The following TIAM2 variants were observed in gnomAD, a reference collection of about 807,000 sequenced individuals.
The protein encoded by TIAM2 is rho guanine nucleotide exchange factor TIAM2.
A neutral mutation model predicts 152.9 loss-of-function variants in TIAM2; 80 were observed. The observed-to-expected ratio is 0.52, with a 90% CI of 0.44 to 0.63. TIAM2 has a LOEUF of 0.63. Among genes scored for constraint, TIAM2 ranks in the 30% least tolerant of loss-of-function variants. TIAM2 has a pLI of 0.00. For synonymous variants in TIAM2, 804 were observed against 838.0 expected (o/e 0.96, Z 0.70); for missense variants, 1,965 against 2,120.1 (o/e 0.93, Z 1.44).
rs541792372 is a variant in TIAM2, at chr6:155,096,691, T to C, written c.-118+6312T>C. On this transcript the variant is annotated intron_variant, in intron 2 of 26. Transcript: ENST00000682666. ...TGCTGCAAATGACAGGATTTCATTC[T>C]TTTTATGGCTGAATAATAATCCATT... Among the ~76,000 whole-genome samples the C allele has an allele frequency of 3.7e-4, 56 of 152,350 alleles. No homozygotes were observed. In the East Asian group the frequency reaches 9.6e-3, roughly 26 times the overall value.
chr6:155,009,728 G>A (rs1380736801), intron 1 of TIAM2, among the ~76,000 whole-genome samples: 1 of 152,112 alleles, frequency 6.6e-6, no homozygotes, highest in Non-Finnish European at 1.5e-5. Context: ...TATTAATTAC[G>A]CAGTTGTAAG....
At chr6:155,125,187 C>T (rs1008545673) in intron 2 of TIAM2, among the ~76,000 whole-genome samples, 1 of 152,156 alleles carries the variant, frequency 6.6e-6, no homozygotes, top group African/African-American at 2.4e-5. Context: ...AGGGGAATCA[C>T]TTGAACCCGG....
intron 1 of TIAM2, among the ~76,000 whole-genome samples, chr6:155,069,884 T>C (rs75409246): frequency 0.037 from 5,649 of 151,472 alleles, 381 homozygotes; most frequent in African/African-American, 0.13. Flanking sequence ...AGCTTTGGAA[T>C]GTGCTATCTG....
At chr6:155,063,088 T>C (rs986029904) in intron 1 of TIAM2, among the ~76,000 whole-genome samples, 12 of 152,130 alleles carry the variant, frequency 7.9e-5, no homozygotes, top group Non-Finnish European at 1.8e-4. Flanking sequence ...GGATATGCGA[T>C]TTGCAGATAT....
chr6:155,005,079 T>C (rs1331464435), intron 1 of TIAM2: 6 of 364,938 alleles, frequency 1.6e-5, no homozygotes, highest in Non-Finnish European at 2.9e-5. Flanking sequence ...AGTAGAAGGC[T>C]TGGAGGATGG....
intron 1 of TIAM2, among the ~76,000 whole-genome samples, chr6:155,035,949 A>T (rs895958203): frequency 6.6e-6 from 1 of 152,064 alleles, no homozygotes; most frequent in African/African-American, 2.4e-5. Context: ...TTTTCCCTGG[A>T]CTTGGAGCTT....
At chr6:155,115,170 T>TAAAAAAAAAAA (rs11327910) in intron 2 of TIAM2, among the ~76,000 whole-genome samples, 1 of 132,660 alleles carries the variant, frequency 7.5e-6, no homozygotes. Context: ...TAAATTGTAC[T>TAAAAAAAAAAA]AAAAAAAAAA....
At chr6:155,106,066 G>A (rs1488284444) in intron 2 of TIAM2, among the ~76,000 whole-genome samples, 2 of 151,120 alleles carry the variant, frequency 1.3e-5, no homozygotes, top group Non-Finnish European at 1.5e-5. Flanking sequence ...GTGCAGTGGC[G>A]TGATCTCGGC....
intron 2 of TIAM2, among the ~76,000 whole-genome samples, chr6:155,098,378 G>A (rs754899994): frequency 2.6e-4 from 40 of 151,856 alleles, no homozygotes; most frequent in East Asian, 2.1e-3. Flanking sequence ...AGTTTTTATC[G>A]CATGGATCTT....
chr6:155,004,377 T>G (rs569175704), intron 1 of TIAM2, among the ~76,000 whole-genome samples: 1 of 152,254 alleles, frequency 6.6e-6, no homozygotes, highest in Non-Finnish European at 1.5e-5. Context: ...CACCCCAAAT[T>G]TCCAATACCA....
At position 155,104,502 on chromosome 6, in the gene TIAM2, C is replaced by A. The variant is rs527508623; in HGVS notation, c.-118+14123C>A. ...GGCCGGCACGGTGGGTCACACCTGT[C>A]ATCCCAGCACTTTGGGAGGCCAAGG... On this transcript the variant is annotated intron_variant, in intron 2 of 26. Coordinates refer to ENST00000682666, the MANE Select transcript of TIAM2 (RefSeq NM_012454.4). Among the ~76,000 whole-genome samples the A allele has an allele frequency of 3.9e-4, 59 of 152,178 alleles. No individual in the cohort carries two copies. In the South Asian group the frequency reaches 3.9e-3, roughly 10 times the overall value.
intron 1 of TIAM2, among the ~76,000 whole-genome samples, chr6:155,061,284 A>G (rs546069516): frequency 7.4e-6 from 1 of 135,860 alleles, no homozygotes; most frequent in African/African-American, 3.8e-5. Flanking sequence ...CTATCTGTAC[A>G]TATATATATT....
chr6:155,077,866 G>A (rs986873752), intron 1 of TIAM2, among the ~76,000 whole-genome samples: 3 of 152,114 alleles, frequency 2.0e-5, no homozygotes, highest in African/African-American at 7.2e-5. Flanking sequence ...CGCCTCACTG[G>A]CCTATTGATT....
chr6:155,042,646 A>G (rs1323612947), intron 1 of TIAM2, among the ~76,000 whole-genome samples: 1 of 152,182 alleles, frequency 6.6e-6, no homozygotes, highest in African/African-American at 2.4e-5. Flanking sequence ...TCTGTCAAGG[A>G]ACTTAAGGAG....
At chr6:155,242,910 T>TC (rs917693425) in intron 16 of TIAM2, among the ~76,000 whole-genome samples, 2 of 124,770 alleles carry the variant, frequency 1.6e-5, no homozygotes, top group Admixed American at 1.5e-4. Context: ...TATTTTTTTT[T>TC]TTTCTTTTTT....
intron 1 of TIAM2, among the ~76,000 whole-genome samples, chr6:155,009,142 C>T (rs1778446159): frequency 7.1e-6 from 1 of 140,200 alleles, no homozygotes; most frequent in South Asian, 2.3e-4. Flanking sequence ...CGCTCTGTCA[C>T]CGAGGCTGGA....
chr6:155,220,965 G>A (rs1057186905), intron 15 of TIAM2, among the ~76,000 whole-genome samples: 3 of 151,876 alleles, frequency 2.0e-5, no homozygotes, highest in Non-Finnish European at 4.4e-5. Flanking sequence ...CCCTCCCTGT[G>A]TCCATGGTTC....
chr6:155,099,248 G>A (rs1421985101), intron 2 of TIAM2, among the ~76,000 whole-genome samples: 22 of 151,634 alleles, frequency 1.5e-4, no homozygotes, highest in African/African-American at 4.6e-4. Context: ...GTGTGTGTGT[G>A]TGTGTGTGTG....
intron 1 of TIAM2, among the ~76,000 whole-genome samples, chr6:154,998,375 G>A (rs577233183): frequency 3.3e-4 from 50 of 152,178 alleles, no homozygotes; most frequent in African/African-American, 1.2e-3. Flanking sequence ...AAGTAAGAAG[G>A]GTTTGAGTCT....
Sources: gnomAD v4.1 joint callset for allele counts (sites outside exome capture counted in the v4.1 genomes callset) on GRCh38, gnomAD v4.1.1 for gene constraint, MANE v1.5 for transcripts, NCBI Gene and HGNC (gene_info 2026-07-23, HGNC 2026-07-21) for gene names.